The following CTDSPL variants were observed in gnomAD, a reference collection of about 807,000 sequenced individuals.
CTDSPL encodes the protein CTD small phosphatase-like protein.
CTDSPL carries 8 observed loss-of-function variants against 30.5 expected under a neutral mutation model. The observed-to-expected ratio is 0.26, with a 90% CI of 0.15 to 0.47. The LOEUF (loss-of-function observed/expected upper bound fraction) is 0.47. Among genes scored for constraint, CTDSPL ranks in the 20% least tolerant of loss-of-function variants. The pLI, the probability that CTDSPL is intolerant of heterozygous loss-of-function variation, is 0.99. For synonymous variants in CTDSPL, 110 were observed against 137.9 expected, an observed-to-expected ratio of 0.80 and a Z score of 1.42; for missense variants, 248 against 366.1, an observed-to-expected ratio of 0.68 and a Z score of 2.63.
At chr3:37,950,365 T>A (rs889290784) in intron 2 of CTDSPL, among the ~76,000 whole-genome samples, 1 of 152,040 alleles carries the variant, frequency 6.6e-6, no homozygotes, top group African/African-American at 2.4e-5. Context: ...AGACTCCCAC[T>A]GAGGTAAAAC....
rs142342380 is a variant in CTDSPL, at chr3:37,941,078, G to A, written c.80-5979G>A. Among the ~76,000 whole-genome samples, 707 of 150,482 alleles carry A rather than the reference G, an allele frequency of 4.7e-3. 54 individuals are homozygous for A. The South Asian group carries it at 0.083, about 18-fold the overall frequency. ...GAGAAATGTGTATGAGTGGGAAACAGGGTCTTAATTTGCTGGGCTGCAGTG... is the reference window on the plus strand; with the variant it reads ...GAGAAATGTGTATGAGTGGGAAACAAGGTCTTAATTTGCTGGGCTGCAGTG... On this transcript the variant is annotated intron_variant, in intron 1 of 7. Coordinates refer to ENST00000273179, the MANE Select transcript of CTDSPL (RefSeq NM_001008392.2).
Position 37,965,488 on chromosome 3 carries a change from G to A in CTDSPL, c.369+816G>A, listed in dbSNP as rs188328911. Among the ~76,000 whole-genome samples the A allele has an allele frequency of 2.0e-4, 31 of 152,290 alleles. No individual in the cohort carries two copies. In the East Asian group the frequency reaches 5.8e-3, roughly 28 times the overall value. On this transcript the variant is annotated intron_variant, in intron 4 of 7. Transcript: ENST00000273179. Reference sequence around the variant, plus strand: ...ATTGGTGTTTTGGGGAGAAGAAGCAGGTATTTAGGATTCTGGTCTTGTTTT... The same window carrying A: ...ATTGGTGTTTTGGGGAGAAGAAGCAAGTATTTAGGATTCTGGTCTTGTTTT...
intron 1 of CTDSPL, among the ~76,000 whole-genome samples, chr3:37,920,141 G>A (rs1698696753): frequency 6.6e-6 from 1 of 152,170 alleles, no homozygotes; most frequent in Admixed American, 6.5e-5. Flanking sequence ...GTTCCTTCTG[G>A]AGGCTCTGAA....
At chr3:37,906,613 A>G (rs1210881482) in intron 1 of CTDSPL, among the ~76,000 whole-genome samples, 1 of 152,144 alleles carries the variant, frequency 6.6e-6, no homozygotes, top group African/African-American at 2.4e-5. Context: ...GGAAGGAGGA[A>G]CTGGTAGCAG....
intron 1 of CTDSPL, among the ~76,000 whole-genome samples, chr3:37,882,441 C>CCA (rs1553681041): frequency 8.3e-6 from 1 of 120,930 alleles, no homozygotes; most frequent in Admixed American, 8.7e-5. Context: ...GACTCTAACT[C>CCA]AAAAAAAAAA....
chr3:37,968,115 A>C, intron 5 of CTDSPL: 1 of 498,340 alleles, frequency 2.0e-6, no homozygotes, highest in Non-Finnish European at 3.6e-6. Context: ...AAGTTCAAAT[A>C]GTTCTTTGAT....
At chr3:37,943,932 T>G (rs1699007756) in intron 1 of CTDSPL, among the ~76,000 whole-genome samples, 1 of 150,362 alleles carries the variant, frequency 6.7e-6, no homozygotes, top group Admixed American at 6.7e-5. Flanking sequence ...GTGGGTATGT[T>G]CATTCTTGTT....
chr3:37,964,032 TAAAAAAAAAAAAAAAAAAA>T (rs58061973), intron 3 of CTDSPL, among the ~76,000 whole-genome samples: 30 of 22,990 alleles, frequency 1.3e-3, no homozygotes, highest in East Asian at 4.4e-3. Flanking sequence ...TCTCAGTCAC[TAAAAAAAAAAAAAAAAAAA>T]AAAAAAAAAA....
intron 3 of CTDSPL, among the ~76,000 whole-genome samples, chr3:37,959,019 G>A (rs1247807097): frequency 6.6e-6 from 1 of 152,156 alleles, no homozygotes; most frequent in African/African-American, 2.4e-5. Flanking sequence ...GGACCTCAGG[G>A]GGACCTGGTG....
At chr3:37,902,408 G>T (rs1377851667) in intron 1 of CTDSPL, among the ~76,000 whole-genome samples, 2 of 151,834 alleles carry the variant, frequency 1.3e-5, no homozygotes, top group African/African-American at 2.4e-5. Flanking sequence ...GGGAAACTTG[G>T]TATGGGTCAC....
chr3:37,885,374 T>C (rs1290371760), intron 1 of CTDSPL, among the ~76,000 whole-genome samples: 1 of 152,206 alleles, frequency 6.6e-6, no homozygotes, highest in African/African-American at 2.4e-5. Flanking sequence ...GAAGTTTCAG[T>C]GTTCTTCCTC....
Position 37,959,857 on chromosome 3 carries a change from C to T in CTDSPL, c.267+2714C>T, listed in dbSNP as rs375573091. Among the ~76,000 whole-genome samples the T allele has an allele frequency of 4.5e-4, 68 of 152,298 alleles. 3 individuals are homozygous for T. Among genetic ancestry groups the T allele is most frequent in the East Asian group, 3.1e-3 (16 of 5,186 alleles). On this transcript the variant is annotated intron_variant, in intron 3 of 7. Transcript: ENST00000273179. ...GAATTATCTATGAGAGTGCCTCATA[C>T]CCTTACTGAAAATGATAATCAAATG...
chr3:37,973,511 C>A (rs76562038), intron 6 of CTDSPL, among the ~76,000 whole-genome samples: 1 of 152,182 alleles, frequency 6.6e-6, no homozygotes, highest in Non-Finnish European at 1.5e-5. Flanking sequence ...CGAATCAGCT[C>A]CCACGTGCAG....
At position 37,984,296 on chromosome 3, in the gene CTDSPL, A is replaced by C. The variant is rs1287752513; in HGVS notation, c.*3429A>C. ...CCCTCCCCCACCCCGGGTAGTGGAG[A>C]TGCTGGTGTCTGGGTAGTCATGGAT... On this transcript the variant is annotated 3_prime_UTR_variant, in exon 8 of 8. Transcript: ENST00000273179. 2.2e-6 allele frequency: 1 copy of C among 456,724 alleles called. No individual in the cohort carries two copies. The highest frequency in any genetic ancestry group is 2.0e-5 in the African/African-American group (1 of 50,110). 28.3% of individuals were successfully genotyped at this position (456,724 alleles called of 1,614,324 possible).
intron 1 of CTDSPL, among the ~76,000 whole-genome samples, chr3:37,900,865 C>G (rs1446115424): frequency 6.6e-6 from 1 of 152,134 alleles, no homozygotes; most frequent in Non-Finnish European, 1.5e-5. Context: ...GTGGCACAAT[C>G]TCGGCTTACT....
rs1559649771 is a variant in CTDSPL, at chr3:37,975,939, C to T, written c.705+45C>T. The T allele has an allele frequency of 6.3e-7, 1 of 1,585,514 alleles. No homozygotes were observed. Among genetic ancestry groups the T allele is most frequent in the Non-Finnish European group, 8.6e-7 (1 of 1,160,274 alleles). ...GAAAATGTCGTGCTCCATCTGAGCC[C>T]TCTGTCTTGCCAGGCAGGTACCACT... On this transcript the variant is annotated intron_variant, in intron 7 of 7. Coordinates refer to ENST00000273179, the MANE Select transcript of CTDSPL (RefSeq NM_001008392.2). This position sits in a 1 kb window ranked among gnomAD's most constrained non-coding sequence, Gnocchi z 4.9.
At chr3:37,896,081 C>G (rs1193690827) in intron 1 of CTDSPL, among the ~76,000 whole-genome samples, 1 of 152,162 alleles carries the variant, frequency 6.6e-6, no homozygotes, top group Non-Finnish European at 1.5e-5. Context: ...CATTTGTTCT[C>G]AGTTTCTTGA....
Position 37,980,949 on chromosome 3 carries a change from G to A in CTDSPL, c.*82G>A, listed in dbSNP as rs1349158052. The A allele has an allele frequency of 6.0e-6, 9 of 1,507,900 alleles. No homozygotes were observed. Among genetic ancestry groups the A allele is most frequent in the African/African-American group, 2.8e-5 (2 of 72,532 alleles). 93.4% of individuals were successfully genotyped at this position (1,507,900 alleles called of 1,614,324 possible). ...CCTGCCTGTCCTCAGCTCCCTGGGAGCTGAAAGTGAGGATACTCCGTGCTC... is the reference window on the plus strand; with the variant it reads ...CCTGCCTGTCCTCAGCTCCCTGGGAACTGAAAGTGAGGATACTCCGTGCTC... On this transcript the variant is annotated 3_prime_UTR_variant, in exon 8 of 8. Transcript: ENST00000273179.
At chr3:37,930,485 T>C (rs551945314) in intron 1 of CTDSPL, among the ~76,000 whole-genome samples, 97 of 152,178 alleles carry the variant, frequency 6.4e-4, no homozygotes, top group South Asian at 4.4e-3. Context: ...ACTACTACTA[T>C]TATTATTGAG....
Sources: allele counts gnomAD v4.1 joint callset (sites outside exome capture counted in the v4.1 genomes callset), GRCh38; gene constraint gnomAD v4.1.1; non-coding constraint Gnocchi (gnomAD v3.1); transcripts MANE v1.5; gene names NCBI Gene and HGNC (gene_info 2026-07-23, HGNC 2026-07-21).